SUPT3H: variants seen among roughly 807,000 people sequenced by gnomAD.
The protein encoded by SUPT3H is SPT3 homolog, SAGA and STAGA complex component.
A neutral mutation model predicts 44.3 loss-of-function variants in SUPT3H; 44 were observed. The observed-to-expected ratio is 0.99, with a 90% CI of 0.78 to 1.28. The LOEUF is 1.28. Ranked by LOEUF, SUPT3H falls within the 50% of genes most tolerant of loss-of-function variation. The pLI is 0.00. For synonymous variants in SUPT3H, 124 were observed against 125.6 expected, an observed-to-expected ratio of 0.99 and a Z score of 0.09; for missense variants, 380 against 387.1, an observed-to-expected ratio of 0.98 and a Z score of 0.15.
chr6:45,155,677 T>C (rs923806668), intron 2 of SUPT3H, among the ~76,000 whole-genome samples: 2 of 151,798 alleles, frequency 1.3e-5, no homozygotes, highest in Non-Finnish European at 2.9e-5. Context: ...GGATGGGGAG[T>C]TAGGAACAAA....
chr6:45,239,598 G>A (rs1483849713), intron 2 of SUPT3H, among the ~76,000 whole-genome samples: 1 of 152,182 alleles, frequency 6.6e-6, no homozygotes, highest in Non-Finnish European at 1.5e-5. Context: ...GTGTATGTGT[G>A]GACACCTTTT....
At position 45,125,161 on chromosome 6, in the gene SUPT3H, G is replaced by C. The variant is rs200450788; in HGVS notation, c.102-19155C>G. ...TGTTGCTTTAAGTCACCCAGTTTTTGGTACTTTGTTATAGAAGCCCTAGGA... is the reference window on the plus strand; with the variant it reads ...TGTTGCTTTAAGTCACCCAGTTTTTCGTACTTTGTTATAGAAGCCCTAGGA... On this transcript the variant is annotated intron_variant, in intron 2 of 10. Transcript: ENST00000371459. Among the ~76,000 whole-genome samples the C allele has an allele frequency of 4.6e-5, 7 of 152,132 alleles. No homozygotes were observed. In the East Asian group the frequency reaches 9.7e-4, roughly 21 times the overall value.
intron 6 of SUPT3H, among the ~76,000 whole-genome samples, chr6:44,986,153 G>T: frequency 6.6e-6 from 1 of 152,126 alleles, no homozygotes; most frequent in South Asian, 2.1e-4. Flanking sequence ...AACTCGAGAA[G>T]TTTCTTCCAG....
intron 2 of SUPT3H, among the ~76,000 whole-genome samples, chr6:45,344,484 T>C (rs539218301): frequency 6.6e-6 from 1 of 152,058 alleles, no homozygotes; most frequent in African/African-American, 2.4e-5. Context: ...AGATTCTAAA[T>C]ATCCAGTGGA....
At chr6:45,053,240 G>A (rs1583271909) in intron 3 of SUPT3H, among the ~76,000 whole-genome samples, 1 of 149,952 alleles carries the variant, frequency 6.7e-6, no homozygotes, top group African/African-American at 2.5e-5. Flanking sequence ...TGGTATAGAT[G>A]GGGTCTCACA....
chr6:45,128,549 TATATATATACACACACAC>T (rs1802869664), intron 2 of SUPT3H, among the ~76,000 whole-genome samples: 1 of 66,038 alleles, frequency 1.5e-5, no homozygotes, highest in Admixed American at 1.6e-4. Flanking sequence ...TATATATATA[TATATATATACACACACAC>T]ACACACACAC....
At chr6:44,860,807 T>A (rs1251770880) in intron 10 of SUPT3H, among the ~76,000 whole-genome samples, 2 of 152,226 alleles carry the variant, frequency 1.3e-5, no homozygotes, top group African/African-American at 2.4e-5. Context: ...AGAATCTTTT[T>A]AAAAAAAGTC....
chr6:45,193,514 T>C (rs1815487718), intron 2 of SUPT3H, among the ~76,000 whole-genome samples: 1 of 152,114 alleles, frequency 6.6e-6, no homozygotes, highest in Non-Finnish European at 1.5e-5. Flanking sequence ...CAGTGTTCAA[T>C]AAATACTCCT....
intron 3 of SUPT3H, among the ~76,000 whole-genome samples, chr6:45,074,733 G>A (rs1042806595): frequency 1.3e-5 from 2 of 151,950 alleles, no homozygotes; most frequent in African/African-American, 4.8e-5. Flanking sequence ...TGCTTTTGGG[G>A]TGCTGGTTAC....
intron 2 of SUPT3H, among the ~76,000 whole-genome samples, chr6:45,114,209 C>T (rs1039540054): frequency 8.6e-5 from 13 of 152,008 alleles, no homozygotes; most frequent in Non-Finnish European, 1.6e-4. Context: ...CAAATATTGA[C>T]TGATTGCCTG....
At chr6:45,374,620 A>T (rs1016024381) in intron 1 of SUPT3H, among the ~76,000 whole-genome samples, 2 of 152,168 alleles carry the variant, frequency 1.3e-5, no homozygotes, top group Non-Finnish European at 2.9e-5. Context: ...TCTAATACAT[A>T]ATCAGATTTC....
intron 9 of SUPT3H, among the ~76,000 whole-genome samples, chr6:44,951,310 A>T (rs1322642893): frequency 6.6e-6 from 1 of 151,496 alleles, no homozygotes; most frequent in Non-Finnish European, 1.5e-5. Flanking sequence ...TGCCATCTTA[A>T]ACTGTTTGTT....
In SUPT3H at chr6:45,158,275, CATAT is replaced by C. The variant is rs70996305; in HGVS notation, c.102-52273_102-52270del. Among the ~76,000 whole-genome samples the C allele has an allele frequency of 1.1e-4, 7 of 62,162 alleles. 1 individual carries two copies. Among genetic ancestry groups the C allele is most frequent in the African/African-American group, 6.3e-4 (5 of 7,958 alleles). 40.8% of individuals were successfully genotyped at this position (62,162 alleles called of 152,430 possible). A position where few individuals can be genotyped will look rare whatever the true frequency, so the allele number is the denominator to read the frequency against. On this transcript the variant is annotated intron_variant, in intron 2 of 10. Coordinates refer to ENST00000371459, the MANE Select transcript of SUPT3H (RefSeq NM_003599.4). ...CCTATATTTTATATATATAAATATA[CATAT>C]ATATATATATATATATATATTTTTT...
chr6:45,141,502 A>C (rs183576413), intron 2 of SUPT3H, among the ~76,000 whole-genome samples: 36 of 152,086 alleles, frequency 2.4e-4, no homozygotes, highest in Middle Eastern at 3.4e-3. Context: ...AGAAAAGAAA[A>C]AAAATCATTA....
At chr6:45,062,123 C>A (rs993659015) in intron 3 of SUPT3H, among the ~76,000 whole-genome samples, 1 of 151,348 alleles carries the variant, frequency 6.6e-6, no homozygotes, top group Non-Finnish European at 1.5e-5. Context: ...TTTACACTGG[C>A]GTCTGATATG....
At chr6:44,961,240 T>C (rs1192001221) in intron 7 of SUPT3H, among the ~76,000 whole-genome samples, 1 of 152,200 alleles carries the variant, frequency 6.6e-6, no homozygotes, top group Non-Finnish European at 1.5e-5. Context: ...GAGCATGTAC[T>C]AATAAATTTG....
At chr6:45,119,258 T>C (rs1228903502) in intron 2 of SUPT3H, among the ~76,000 whole-genome samples, 4 of 152,218 alleles carry the variant, frequency 2.6e-5, no homozygotes, top group Non-Finnish European at 5.9e-5. Flanking sequence ...AGTTACATAG[T>C]CATACTTTTA....
At chr6:45,058,723 CT>C (rs1425234064) in intron 3 of SUPT3H, among the ~76,000 whole-genome samples, 1 of 152,030 alleles carries the variant, frequency 6.6e-6, no homozygotes, top group East Asian at 1.9e-4. Flanking sequence ...TTCATTATCC[CT>C]TCCCCTGCCC....
chr6:45,280,356 G>A (rs1777795271), intron 2 of SUPT3H, among the ~76,000 whole-genome samples: 1 of 151,896 alleles, frequency 6.6e-6, no homozygotes, highest in Admixed American at 6.6e-5. Context: ...ACAAAAAAAA[G>A]TTAGCCAGGA....
Sources: allele counts gnomAD v4.1 joint callset (sites outside exome capture counted in the v4.1 genomes callset), GRCh38; gene constraint gnomAD v4.1.1; transcripts MANE v1.5; gene names NCBI Gene and HGNC (gene_info 2026-07-23, HGNC 2026-07-21).